Variants in CAMSAP2 observed in about 807,000 individuals in gnomAD.
CAMSAP2 encodes calmodulin-regulated spectrin-associated protein 2.
A neutral mutation model predicts 146.1 loss-of-function variants in CAMSAP2; 26 were observed. The observed-to-expected ratio is 0.18, with a 90% CI of 0.13 to 0.25. The LOEUF is 0.25. Among genes scored for constraint, CAMSAP2 ranks in the 10% least tolerant of loss-of-function variants. The pLI is 1.00. For synonymous variants in CAMSAP2, 499 were observed against 596.6 expected, an observed-to-expected ratio of 0.84 and a Z score of 2.38; for missense variants, 1,381 against 1,759.3, an observed-to-expected ratio of 0.78 and a Z score of 3.85.
At chr1:200,748,306 A>G (rs1664401588) in intron 1 of CAMSAP2, among the ~76,000 whole-genome samples, 2 of 152,344 alleles carry the variant, frequency 1.3e-5, no homozygotes, top group East Asian at 1.9e-4. Flanking sequence ...GTGTATCAGT[A>G]TGTATTTCTG....
chr1:200,847,741 A>G (rs369266338), intron 10 of CAMSAP2, 32 bp downstream of exon 10: 3 of 1,529,342 alleles, frequency 2.0e-6, no homozygotes, highest in African/African-American at 1.4e-5. Flanking sequence ...TAGTGTATTC[A>G]GATTATTAAG....
At chr1:200,777,813 G>A (rs890218310) in intron 2 of CAMSAP2, among the ~76,000 whole-genome samples, 10 of 152,308 alleles carry the variant, frequency 6.6e-5, no homozygotes, top group African/African-American at 2.4e-4. Context: ...GGTGGCAAGT[G>A]CCTGTAGTCC....
chr1:200,811,891 C>T (rs190016332), intron 3 of CAMSAP2, among the ~76,000 whole-genome samples: 437 of 152,288 alleles, frequency 2.9e-3, no homozygotes, highest in African/African-American at 9.5e-3. Context: ...ACTTCCTTCC[C>T]GCTATATGCC....
At chr1:200,772,797 A>G (rs1020225824) in intron 2 of CAMSAP2, among the ~76,000 whole-genome samples, 3 of 152,166 alleles carry the variant, frequency 2.0e-5, no homozygotes, top group Non-Finnish European at 4.4e-5. Context: ...AGAGCTATGG[A>G]AATAATTTGT....
In CAMSAP2 at chr1:200,848,033, T is replaced by A; in HGVS notation, c.1264T>A (p.Ser422Thr). The change falls in exon 11 of 17, where the codon TCA becomes ACA. Residue 422 changes from serine (S) to threonine (T), a missense_variant and splice_region_variant. By Grantham distance (58) the Ser-to-Thr change is moderately conservative. This residue lies in a region of CAMSAP2 where 447 missense variants were observed against 462.2 expected (regional missense o/e 0.97). Coordinates refer to ENST00000358823, the MANE Select transcript of CAMSAP2 (RefSeq NM_203459.4). Reference protein sequence around the residue: ...FIGTWPKEKRSSVHGVSFDIS... With the variant: ...FIGTWPKEKRTSVHGVSFDIS... ...TTTTTCTCTTTAACTTTTTTTTAGATCATCAGTGCATGGCGTATCATTTGA... is the reference window on the plus strand; with the variant it reads ...TTTTTCTCTTTAACTTTTTTTTAGAACATCAGTGCATGGCGTATCATTTGA... 1 of 1,494,174 alleles carries A rather than the reference T, an allele frequency of 6.7e-7. No individual in the cohort carries two copies. The highest frequency in any genetic ancestry group is 8.9e-7 in the Non-Finnish European group (1 of 1,121,100). 92.6% of individuals were successfully genotyped at this position (1,494,174 alleles called of 1,614,324 possible).
At chr1:200,793,291 C>T (rs1665802451) in intron 2 of CAMSAP2, among the ~76,000 whole-genome samples, 1 of 152,012 alleles carries the variant, frequency 6.6e-6, no homozygotes, top group Non-Finnish European at 1.5e-5. Flanking sequence ...TAATGTGGTG[C>T]TTGACCTATA....
At chr1:200,818,939 A>T (rs1441542982) in intron 4 of CAMSAP2, among the ~76,000 whole-genome samples, 2 of 152,194 alleles carry the variant, frequency 1.3e-5, no homozygotes, top group African/African-American at 4.8e-5. Flanking sequence ...GTCCAGCTAT[A>T]GACAGAGCCC....
chr1:200,790,475 A>G (rs2103030888), intron 2 of CAMSAP2, among the ~76,000 whole-genome samples: 1 of 152,230 alleles, frequency 6.6e-6, no homozygotes, highest in East Asian at 1.9e-4. Flanking sequence ...TAACTCTCAG[A>G]CTTGTTTACT....
At chr1:200,825,493 C>G (rs1414410895) in intron 4 of CAMSAP2, among the ~76,000 whole-genome samples, 1 of 150,392 alleles carries the variant, frequency 6.6e-6, no homozygotes, top group Non-Finnish European at 1.5e-5. Context: ...ATCATTCTTT[C>G]TTTCTTTCTT....
chr1:200,777,416 T>C (rs1040794367), intron 2 of CAMSAP2, among the ~76,000 whole-genome samples: 4 of 152,220 alleles, frequency 2.6e-5, no homozygotes, highest in Admixed American at 6.5e-5. Context: ...TGGTAGAACA[T>C]CTTGTGAATA....
intron 4 of CAMSAP2, among the ~76,000 whole-genome samples, chr1:200,816,838 ATG>A (rs1297617439): frequency 7.5e-5 from 6 of 80,216 alleles, no homozygotes; most frequent in Middle Eastern, 8.3e-3. Flanking sequence ...ACGCGTGTGT[ATG>A]TGTGTACACA....
chr1:200,807,886 G>A (rs990569078), intron 3 of CAMSAP2, among the ~76,000 whole-genome samples: 3 of 151,806 alleles, frequency 2.0e-5, no homozygotes, highest in South Asian at 2.1e-4. Context: ...GATTACAGGC[G>A]TTTGCCACCA....
chr1:200,820,362 C>G (rs1217713400), intron 4 of CAMSAP2, among the ~76,000 whole-genome samples: 2 of 152,084 alleles, frequency 1.3e-5, no homozygotes, highest in African/African-American at 2.4e-5. Flanking sequence ...GCCAATGTTT[C>G]TCAAAGTATT....
chr1:200,798,071 G>A (rs1446991342), intron 2 of CAMSAP2, among the ~76,000 whole-genome samples: 82 of 149,562 alleles, frequency 5.5e-4, no homozygotes, highest in East Asian at 1.2e-3. Flanking sequence ...TTTGGTTACT[G>A]TAGCCTTGTA....
rs754948129 is a variant in CAMSAP2, at chr1:200,850,056, C to A, written c.3287C>A (p.Pro1096His). 8.1e-6 allele frequency: 13 copies of A among 1,611,606 alleles called. No individual in the cohort carries two copies. ...NEDQLNQPTE[P>H]PPKPVFPPTA... Reference sequence around the variant, plus strand: ...GACCAATTGAATCAACCCACAGAACCCCCTCCTAAACCCGTTTTCCCACCC... The same window carrying A: ...GACCAATTGAATCAACCCACAGAACACCCTCCTAAACCCGTTTTCCCACCC... The change falls in exon 11 of 17, where the codon CCC becomes CAC. Residue 1096 changes from proline (P) to histidine (H), a missense_variant. Pro to His is a moderately conservative substitution (Grantham distance 77). Transcript: ENST00000358823.
intron 3 of CAMSAP2, among the ~76,000 whole-genome samples, chr1:200,811,346 T>C (rs950967045): frequency 6.6e-6 from 1 of 152,158 alleles, no homozygotes; most frequent in African/African-American, 2.4e-5. Flanking sequence ...GAAGTTTATA[T>C]GCAGATTTTG....
intron 11 of CAMSAP2, among the ~76,000 whole-genome samples, chr1:200,850,925 C>T (rs1021441193): frequency 6.6e-6 from 1 of 152,220 alleles, no homozygotes; most frequent in Non-Finnish European, 1.5e-5. Flanking sequence ...GCACAACATT[C>T]AGGGACTTTC....
chr1:200,847,180 A>T, intron 8 of CAMSAP2, 30 bp from the exon 9 acceptor site: 1 of 1,505,296 alleles, frequency 6.6e-7, no homozygotes, highest in Non-Finnish European at 9.2e-7. Flanking sequence ...CAGCTAAAAT[A>T]TAACATTTTA....
At chr1:200,855,796 C>A (rs1186609924) in intron 14 of CAMSAP2, among the ~76,000 whole-genome samples, 1 of 152,058 alleles carries the variant, frequency 6.6e-6, no homozygotes, top group East Asian at 1.9e-4. Context: ...GGGCTTTCAC[C>A]ATATTGGCCA....
Sources: gnomAD v4.1 joint callset for allele counts (sites outside exome capture counted in the v4.1 genomes callset) on GRCh38, gnomAD v4.1.1 for gene constraint, gnomAD v4.1.1 regional missense constraint, MANE v1.5 for transcripts, NCBI Gene and HGNC (gene_info 2026-07-23, HGNC 2026-07-21) for gene names.